Variants in CEP63 observed in about 807,000 individuals in gnomAD.
CEP63 encodes centrosomal protein 63, also known as centrosomal protein of 63 kDa.
Under a neutral mutation model 89.1 loss-of-function variants are expected in CEP63, and 84 were observed. That is an observed-to-expected ratio of 0.94 (90% CI 0.79 to 1.13). The LOEUF is 1.13. CEP63 is among the 50% of genes most tolerant of loss of function. CEP63 has a pLI of 0.00. For synonymous variants in CEP63, 267 were observed against 272.5 expected (o/e 0.98, Z 0.20); for missense variants, 838 against 813.3 (o/e 1.03, Z -0.37).
At chr3:134,673,569 C>T in the CEP63 span, among the ~76,000 whole-genome samples, 7 of 152,170 alleles carry the variant, frequency 4.6e-5, no homozygotes, top group African/African-American at 1.2e-4. Flanking sequence ...GAACATGGCC[C>T]GCCCTGAGGG....
chr3:134,731,116 T>C, the CEP63 span, among the ~76,000 whole-genome samples: 2 of 152,122 alleles, frequency 1.3e-5, no homozygotes, highest in African/African-American at 4.8e-5. Context: ...TCTCAAAATA[T>C]ATAAAGTGAA....
the CEP63 span, among the ~76,000 whole-genome samples, chr3:134,748,214 C>CT: frequency 1.3e-5 from 2 of 152,124 alleles, no homozygotes; most frequent in African/African-American, 4.8e-5. Flanking sequence ...CTGGTGTTTC[C>CT]TTTTTTCTGT....
chr3:134,758,821 G>C, the CEP63 span, among the ~76,000 whole-genome samples: 1 of 152,036 alleles, frequency 6.6e-6, no homozygotes, highest in East Asian at 1.9e-4. Flanking sequence ...TAATGGCCTC[G>C]CCAAAGATGT....
Position 134,549,177 on chromosome 3 carries a change from G to T in CEP63, c.1182+1G>T. ...TGAATACAAAGCAGAGATTAAGAAG[G>T]TAAAAATCTGCATACCTAGGATTGC... On this transcript the variant is annotated splice_donor_variant, in intron 10 of 14. Coordinates refer to ENST00000675561, the MANE Select transcript of CEP63 (RefSeq NM_001353108.3). LOFTEE classifies it high-confidence loss of function. 9 of 1,573,580 alleles carry T rather than the reference G, an allele frequency of 5.7e-6. No individual in the cohort carries two copies. The highest frequency in any genetic ancestry group is 7.9e-6 in the Non-Finnish European group (9 of 1,143,310).
At chr3:134,703,758 A>G in the CEP63 span, among the ~76,000 whole-genome samples, 2 of 152,210 alleles carry the variant, frequency 1.3e-5, no homozygotes, top group Non-Finnish European at 2.9e-5. Context: ...ACAAATCCAC[A>G]CATCCTGCAC....
At chr3:134,523,661 CTTGT>C (rs1947998951) in intron 3 of CEP63, among the ~76,000 whole-genome samples, 2 of 152,076 alleles carry the variant, frequency 1.3e-5, no homozygotes, top group Admixed American at 1.3e-4. Flanking sequence ...TTCCTTATTG[CTTGT>C]TTTTGTCAGT....
In CEP63 at chr3:134,506,251, A is replaced by G. The variant is rs141121701; in HGVS notation, c.45-858A>G. 3.1e-3 allele frequency among the ~76,000 whole-genome samples: 479 copies of G among 152,368 alleles called. 2 individuals carry two copies. Among genetic ancestry groups the G allele is most frequent in the African/African-American group, 0.011 (461 of 41,584 alleles). ...ATGCCAGGACATCAGTAGGTTTACA[A>G]TAGTAAGGTAGACTACAGTAAGTTT... On this transcript the variant is annotated intron_variant, in intron 2 of 14. Coordinates refer to ENST00000675561, the MANE Select transcript of CEP63 (RefSeq NM_001353108.3).
the CEP63 span, among the ~76,000 whole-genome samples, chr3:134,657,585 G>A: frequency 6.6e-6 from 1 of 152,014 alleles, no homozygotes; most frequent in South Asian, 2.1e-4. Flanking sequence ...CTCATTGTTG[G>A]ACTTTTAGTT....
chr3:134,706,404 T>G, the CEP63 span, among the ~76,000 whole-genome samples: 13 of 152,152 alleles, frequency 8.5e-5, no homozygotes, highest in Non-Finnish European at 1.6e-4. Flanking sequence ...ATGGGTATGT[T>G]TGGACTTGAA....
rs1370356478 is a variant in CEP63, at chr3:134,564,379, G to T, written c.*2844G>T. On this transcript the variant is annotated 3_prime_UTR_variant, in exon 15 of 15. Coordinates refer to ENST00000675561, the MANE Select transcript of CEP63 (RefSeq NM_001353108.3). ...CCCCTTTACTTGGCTACTTTATCTG[G>T]CTTGGCAAAGCTTTCCCATATCCCC... 1 of 985,362 alleles carries T rather than the reference G, an allele frequency of 1.0e-6. No individual in the cohort carries two copies. The highest frequency in any genetic ancestry group is 1.2e-6 in the Non-Finnish European group (1 of 829,990). The allele number at this position is 985,362 out of a possible 1,614,324, so 61.0% of individuals were successfully genotyped here. A position where few individuals can be genotyped will look rare whatever the true frequency, so the allele number is the denominator to read the frequency against.
chr3:134,565,684 C>T (rs1451537883), downstream of CEP63, among the ~76,000 whole-genome samples: 2 of 150,442 alleles, frequency 1.3e-5, no homozygotes, highest in Non-Finnish European at 2.9e-5. Context: ...AGTCCAGTTG[C>T]TAGAGGAAGG....
intron 10 of CEP63, among the ~76,000 whole-genome samples, chr3:134,584,634 T>G (rs1958438593): frequency 6.6e-6 from 1 of 152,190 alleles, no homozygotes; most frequent in African/African-American, 2.4e-5. Context: ...TGGTTTAAAA[T>G]TCCCTCTTTC....
At chr3:134,757,589 A>C in the CEP63 span, among the ~76,000 whole-genome samples, 1 of 152,236 alleles carries the variant, frequency 6.6e-6, no homozygotes, top group Admixed American at 6.5e-5. Flanking sequence ...TCCATCCTAA[A>C]GACAGAAAAA....
At chr3:134,610,410 G>A in the CEP63 span, 5 of 1,591,878 alleles carry the variant, frequency 3.1e-6, no homozygotes, top group Non-Finnish European at 4.3e-6. Context: ...GGGTCTGAGA[G>A]GGGGATCCCG....
At chr3:134,718,882 C>CATTCATTCATAGTTT in the CEP63 span, among the ~76,000 whole-genome samples, 1 of 152,192 alleles carries the variant, frequency 6.6e-6, no homozygotes, top group African/African-American at 2.4e-5. Flanking sequence ...TTCCAAGATT[C>CATTCATTCATAGTTT]CATTCATAGT....
rs1957490543 is a variant in CEP63, at chr3:134,563,125, G to A, written c.*1590G>A. On this transcript the variant is annotated 3_prime_UTR_variant, in exon 15 of 15. Transcript: ENST00000675561. Reference sequence around the variant, plus strand: ...TGCTAAGATTCCATATCAGGACATAGCATTATGTTTGCCAGTTCCTAGGAG... The same window carrying A: ...TGCTAAGATTCCATATCAGGACATAACATTATGTTTGCCAGTTCCTAGGAG... The A allele has an allele frequency of 6.6e-6, 1 of 152,190 alleles. No individual in the cohort carries two copies. The highest frequency in any genetic ancestry group is 1.5e-5 in the Non-Finnish European group (1 of 68,044). 9.4% of individuals were successfully genotyped at this position (152,190 alleles called of 1,614,324 possible).
chr3:134,608,374 T>C, the CEP63 span: 5 of 1,384,646 alleles, frequency 3.6e-6, no homozygotes, highest in Non-Finnish European at 4.8e-6. Flanking sequence ...CTAGGAAACC[T>C]GCAGCCTTCA....
downstream of CEP63, among the ~76,000 whole-genome samples, chr3:134,575,321 T>C: frequency 7.6e-6 from 1 of 131,688 alleles, no homozygotes; most frequent in African/African-American, 2.9e-5. Context: ...CTTTTTTCTT[T>C]CTTTCTTTGG....
chr3:134,554,407 A>G (rs1266914536), intron 12 of CEP63, among the ~76,000 whole-genome samples: 3 of 147,838 alleles, frequency 2.0e-5, no homozygotes, highest in African/African-American at 5.0e-5. Flanking sequence ...TACAAAGGAC[A>G]TGAACTCATC....
Sources: gnomAD v4.1 joint callset for allele counts (sites outside exome capture counted in the v4.1 genomes callset) on GRCh38, gnomAD v4.1.1 for gene constraint, MANE v1.5 for transcripts, NCBI Gene and HGNC (gene_info 2026-07-23, HGNC 2026-07-21) for gene names.